The following SLC6A17 variants were observed in gnomAD, a reference collection of about 807,000 sequenced individuals.
SLC6A17 encodes solute carrier family 6 member 17.
SLC6A17 carries 21 observed loss-of-function variants against 64.5 expected under a neutral mutation model. The ratio of observed to expected loss-of-function variants is 0.33; its 90% confidence interval spans 0.23 to 0.47. The LOEUF is 0.47. SLC6A17 is among the 20% of genes least tolerant of loss of function. The probability of loss-of-function intolerance (pLI) is 1.00; values close to 1 mark genes in which losing one functional copy is unlikely to be tolerated. For synonymous variants in SLC6A17, 372 were observed against 399.5 expected, an observed-to-expected ratio of 0.93 and a Z score of 0.82; for missense variants, 682 against 963.2, an observed-to-expected ratio of 0.71 and a Z score of 3.86.
chr1:110,191,938 CTT>C (rs760590518), intron 6 of SLC6A17, 32 bp from the exon 7 acceptor site: 1 of 1,602,284 alleles, frequency 6.2e-7, no homozygotes, highest in Admixed American at 1.7e-5. Context: ...CTCTGTGTCT[CTT>C]TTCTTCCTCC....
At chr1:110,187,979 A>T (rs2100943675) in intron 6 of SLC6A17, among the ~76,000 whole-genome samples, 1 of 152,306 alleles carries the variant, frequency 6.6e-6, no homozygotes, top group African/African-American at 2.4e-5. Context: ...GAAAAACAAA[A>T]ATTGGTTTGG....
At chr1:110,173,938 C>T (rs368361178) in intron 3 of SLC6A17, 35 bp from the exon 4 acceptor site, 54 of 1,607,170 alleles carry the variant, frequency 3.4e-5, no homozygotes, top group African/African-American at 8.1e-5. Flanking sequence ...GAGTTGCCTG[C>T]AGCCTCAGTG....
intron 3 of SLC6A17, 68 bp from the exon 4 acceptor site, chr1:110,173,894 TGCTGGGCCTCG>T: frequency 2.0e-6 from 3 of 1,508,854 alleles, no homozygotes; most frequent in Non-Finnish European, 1.8e-6. Context: ...GCTGCCGACG[TGCTGGGCCTCG>T]GGTGGAGCGT....
chr1:110,178,162 T>C (rs1008837829), intron 6 of SLC6A17: 2 of 152,236 alleles, frequency 1.3e-5, no homozygotes, highest in African/African-American at 4.8e-5. Flanking sequence ...AGAACCATGA[T>C]CAGTCTAAAA....
rs2100953475 is a variant in SLC6A17, at chr1:110,197,481, G to T, written c.1697G>T (p.Arg566Leu). The change falls in exon 11 of 12, where the codon CGC becomes CTC. Residue 566 changes from arginine (R) to leucine (L), a missense_variant. Arg to Leu is a moderately radical substitution (Grantham distance 102). Coordinates refer to ENST00000331565, the MANE Select transcript of SLC6A17 (RefSeq NM_001010898.4). ...LTEMLGFRPY[R>L]FYFYMWKFVS... Reference sequence around the variant, plus strand: ...GAGATGCTGGGCTTCCGCCCCTACCGCTTCTATTTCTACATGTGGAAGTTC... The same window carrying T: ...GAGATGCTGGGCTTCCGCCCCTACCTCTTCTATTTCTACATGTGGAAGTTC... 6.2e-7 allele frequency: 1 copy of T among 1,613,638 alleles called. No homozygotes were observed. Among genetic ancestry groups the T allele is most frequent in the East Asian group, 2.2e-5 (1 of 44,854 alleles).
chr1:110,197,454 C>T lies in SLC6A17; in HGVS notation c.1670C>T (p.Thr557Met), dbSNP rs192726510. 88 of 1,612,452 alleles carry T rather than the reference C, an allele frequency of 5.5e-5. No individual in the cohort carries two copies. The highest frequency in any genetic ancestry group is 7.2e-5 in the Non-Finnish European group (85 of 1,179,438). Residue 557 changes from threonine (T) to methionine (M), a missense_variant, in exon 11 of 12, where the codon ACG becomes ATG. Coordinates refer to ENST00000331565, the MANE Select transcript of SLC6A17 (RefSeq NM_001010898.4). ...CCTGGCAGGTTCATGCAGGAGCTGA[C>T]GGAGATGCTGGGCTTCCGCCCCTAC... ...YGTKKFMQEL[T>M]EMLGFRPYRF... is the part of the protein sequence containing the mutation.
chr1:110,158,655 A>G (rs1315492362), intron 1 of SLC6A17, among the ~76,000 whole-genome samples: 1 of 152,222 alleles, frequency 6.6e-6, no homozygotes, highest in African/African-American at 2.4e-5. Flanking sequence ...AAGAGGGGTT[A>G]TGTACTTTCC....
chr1:110,152,594 A>AGGCTG (rs1294022134), intron 1 of SLC6A17, among the ~76,000 whole-genome samples: 1 of 152,164 alleles, frequency 6.6e-6, no homozygotes, highest in Non-Finnish European at 1.5e-5. Flanking sequence ...GAGCAGGGCC[A>AGGCTG]GGCTGGGCTG....
intron 2 of SLC6A17, among the ~76,000 whole-genome samples, chr1:110,169,039 G>A (rs1346629173): frequency 6.6e-6 from 1 of 151,904 alleles, no homozygotes; most frequent in Non-Finnish European, 1.5e-5. Flanking sequence ...TTCTTTGTTT[G>A]TTTTTTGAGA....
At chr1:110,185,447 T>C (rs1458551396) in intron 6 of SLC6A17, among the ~76,000 whole-genome samples, 4 of 152,240 alleles carry the variant, frequency 2.6e-5, no homozygotes, top group Non-Finnish European at 5.9e-5. Flanking sequence ...CTGTCACGCA[T>C]GCGCTCAGGC....
At chr1:110,162,897 T>G (rs1350023822) in intron 1 of SLC6A17, among the ~76,000 whole-genome samples, 2 of 151,152 alleles carry the variant, frequency 1.3e-5, no homozygotes. Flanking sequence ...CCTTGACACA[T>G]GAGGAAACTG....
At chr1:110,196,981 G>A (rs1009247732) in intron 10 of SLC6A17, among the ~76,000 whole-genome samples, 3 of 152,190 alleles carry the variant, frequency 2.0e-5, no homozygotes, top group African/African-American at 7.2e-5. Flanking sequence ...TCAAGCACAA[G>A]CCTGCCTGCC....
At position 110,200,903 on chromosome 1, in the gene SLC6A17, C is replaced by T. The variant is rs1405448679; in HGVS notation, c.*2459C>T. The T allele has an allele frequency of 6.6e-6, 1 of 152,638 alleles. No individual in the cohort carries two copies. Among genetic ancestry groups the T allele is most frequent in the South Asian group, 2.1e-4 (1 of 4,828 alleles). 9.5% of individuals were successfully genotyped at this position (152,638 alleles called of 1,614,324 possible). On this transcript the variant is annotated 3_prime_UTR_variant, in exon 12 of 12. Transcript: ENST00000331565. ...ACGCTCCCTCCCCCTGCCTCCTCCT[C>T]CTCCTCTTGGCTCTATTGGGAGCCT...
chr1:110,173,754 G>A (rs1262015715), intron 3 of SLC6A17, among the ~76,000 whole-genome samples: 4 of 152,226 alleles, frequency 2.6e-5, no homozygotes, highest in Non-Finnish European at 5.9e-5. Flanking sequence ...TTTAACATCT[G>A]AAAAATTCCT....
intron 1 of SLC6A17, among the ~76,000 whole-genome samples, chr1:110,155,441 G>C (rs1655730615): frequency 6.6e-6 from 1 of 152,184 alleles, no homozygotes. Flanking sequence ...TTCAGAACCA[G>C]GTATGTTTTG....
intron 8 of SLC6A17, 40 bp from the exon 9 acceptor site, chr1:110,194,539 G>A (rs748927115): frequency 1.9e-6 from 3 of 1,599,702 alleles, no homozygotes; most frequent in Admixed American, 1.7e-5. Flanking sequence ...TCCCCAGGGA[G>A]GGGTGACCTC....
At chr1:110,197,408 A>G in intron 10 of SLC6A17, 29 bp from the exon 11 acceptor site, 5 of 1,580,086 alleles carry the variant, frequency 3.2e-6, no homozygotes, top group Non-Finnish European at 4.3e-6. Flanking sequence ...AGGGATGCCA[A>G]CTGCTGGACC....
chr1:110,195,638 C>G lies in SLC6A17; in HGVS notation c.1545C>G (p.Ser515=). Residue 515 remains serine (S), a synonymous_variant, in exon 10 of 12, where the codon TCC becomes TCG. Transcript: ENST00000331565. Reference sequence around the variant, plus strand: ...TGGGGCTGTTGTTCGTCCAGCGCTCCGGAAACTACTTTGTCACCATGTTCG... The same window carrying G: ...TGGGGCTGTTGTTCGTCCAGCGCTCGGGAAACTACTTTGTCACCATGTTCG... ...FLVGLLFVQR[S]GNYFVTMFDD... 1 of 1,614,238 alleles carries G rather than the reference C, an allele frequency of 6.2e-7. No homozygotes were observed. Among genetic ancestry groups the G allele is most frequent in the Non-Finnish European group, 8.5e-7 (1 of 1,180,052 alleles).
intron 1 of SLC6A17, among the ~76,000 whole-genome samples, chr1:110,155,036 C>T (rs1217026158): frequency 6.6e-6 from 1 of 152,178 alleles, no homozygotes; most frequent in South Asian, 2.1e-4. Context: ...TTCTCTGTCT[C>T]TTCTCTTTCT....
Sources: gnomAD v4.1 joint callset for allele counts (sites outside exome capture counted in the v4.1 genomes callset) on GRCh38, gnomAD v4.1.1 for gene constraint, MANE v1.5 for transcripts, NCBI Gene and HGNC (gene_info 2026-07-23, HGNC 2026-07-21) for gene names.